Variants in CABCOCO1 observed in about 807,000 individuals in gnomAD.
CABCOCO1 encodes ciliary-associated calcium-binding coiled-coil protein 1.
CABCOCO1 carries 28 observed loss-of-function variants against 35.7 expected under a neutral mutation model. That is an observed-to-expected ratio of 0.78 (90% confidence interval 0.58 to 1.07). CABCOCO1 has a LOEUF of 1.07. Among genes scored for constraint, CABCOCO1 ranks in the 50% least tolerant of loss-of-function variants. CABCOCO1 has a pLI of 0.00. For synonymous variants in CABCOCO1, 95 were observed against 100.1 expected, an observed-to-expected ratio of 0.95 and a Z score of 0.30; for missense variants, 326 against 309.2, an observed-to-expected ratio of 1.05 and a Z score of -0.41.
Position 61,680,598 on chromosome 10 carries a change from AC to A in CABCOCO1, c.165-544del, listed in dbSNP as rs1206195362. Among the ~76,000 whole-genome samples, 38 of 18,314 alleles carry A rather than the reference AC, an allele frequency of 2.1e-3. 2 individuals are homozygous for A. The highest frequency in any genetic ancestry group is 3.9e-3 in the South Asian group (3 of 762). The allele number at this position is 18,314 out of a possible 152,430, so 12.0% of individuals were successfully genotyped here. A position where few individuals can be genotyped will look rare whatever the true frequency, so the allele number is the denominator to read the frequency against. On this transcript the variant is annotated intron_variant, in intron 2 of 7. Transcript: ENST00000648843. ...TTATGTTATATATAACATATGTTAT[AC>A]ATGTATAACATGTTATACATAACAT...
At position 61,680,682 on chromosome 10, in the gene CABCOCO1, TAC is replaced by T. The variant is rs1404255183; in HGVS notation, c.165-459_165-458del. ...TTATACATGTATAACATATATGTTA[TAC>T]ATGTATAACATATATATGTTATACA... On this transcript the variant is annotated intron_variant, in intron 2 of 7. Transcript: ENST00000648843. Among the ~76,000 whole-genome samples the T allele has an allele frequency of 2.6e-4, 25 of 97,472 alleles. 1 individual carries two copies. The highest frequency in any genetic ancestry group is 8.2e-4 in the African/African-American group (20 of 24,266). 63.9% of individuals were successfully genotyped at this position (97,472 alleles called of 152,430 possible). A position where few individuals can be genotyped will look rare whatever the true frequency, so the allele number is the denominator to read the frequency against.
intron 5 of CABCOCO1, among the ~76,000 whole-genome samples, chr10:61,709,683 C>T (rs1589134441): frequency 6.8e-6 from 1 of 147,230 alleles, no homozygotes; most frequent in South Asian, 2.1e-4. Context: ...TTACTTGTCC[C>T]CCTCAAATTT....
chr10:61,695,909 C>G (rs140107680), intron 5 of CABCOCO1, among the ~76,000 whole-genome samples: 3 of 151,950 alleles, frequency 2.0e-5, no homozygotes, highest in Non-Finnish European at 4.4e-5. Context: ...TTATTACAAA[C>G]AGAAACACAC....
chr10:61,680,444 T>A (rs1479210595), intron 2 of CABCOCO1, among the ~76,000 whole-genome samples: 1 of 62,774 alleles, frequency 1.6e-5, no homozygotes, highest in African/African-American at 4.9e-5. Context: ...ACATATATAA[T>A]ATATTTTATA....
intron 1 of CABCOCO1, among the ~76,000 whole-genome samples, chr10:61,670,640 T>C (rs1302700989): frequency 6.6e-6 from 1 of 152,206 alleles, no homozygotes; most frequent in Admixed American, 6.5e-5. Context: ...TTTGCTGCCC[T>C]TATCTTTTGG....
chr10:61,691,156 G>C (rs913160403), intron 5 of CABCOCO1, among the ~76,000 whole-genome samples: 1 of 152,042 alleles, frequency 6.6e-6, no homozygotes, highest in African/African-American at 2.4e-5. Context: ...TCTTATTGCT[G>C]AATTTGGGCT....
chr10:61,718,786 A>T (rs1840928114), intron 5 of CABCOCO1, among the ~76,000 whole-genome samples: 1 of 152,218 alleles, frequency 6.6e-6, no homozygotes, highest in African/African-American at 2.4e-5. Flanking sequence ...ATTAATATAT[A>T]TATTATTTTA....
intron 5 of CABCOCO1, among the ~76,000 whole-genome samples, chr10:61,744,745 G>A (rs1415855535): frequency 6.6e-6 from 1 of 152,104 alleles, no homozygotes; most frequent in Non-Finnish European, 1.5e-5. Context: ...GGTACTTATT[G>A]CCCTACTGTA....
chr10:61,699,156 ACT>A (rs2132010681), intron 5 of CABCOCO1, among the ~76,000 whole-genome samples: 1 of 152,132 alleles, frequency 6.6e-6, no homozygotes, highest in East Asian at 1.9e-4. Context: ...TGTTAAAATA[ACT>A]CTATCTGCTC....
At chr10:61,697,127 G>C (rs1162104654) in intron 5 of CABCOCO1, among the ~76,000 whole-genome samples, 1 of 152,078 alleles carries the variant, frequency 6.6e-6, no homozygotes, top group African/African-American at 2.4e-5. Context: ...TTTTGTGAAT[G>C]TGAATATCTT....
chr10:61,680,669 AACATATATG>A (rs1564532693), intron 2 of CABCOCO1, among the ~76,000 whole-genome samples: 2 of 73,562 alleles, frequency 2.7e-5, no homozygotes, highest in Non-Finnish European at 5.8e-5. Flanking sequence ...ATACATGTAT[AACATATATG>A]TTATACATGT....
chr10:61,719,792 G>A (rs897676181), intron 5 of CABCOCO1, among the ~76,000 whole-genome samples: 1 of 151,632 alleles, frequency 6.6e-6, no homozygotes, highest in African/African-American at 2.4e-5. Context: ...GTGGTGACAG[G>A]CACCTGTAAT....
At chr10:61,721,477 A>G (rs1278579684) in intron 5 of CABCOCO1, among the ~76,000 whole-genome samples, 1 of 152,148 alleles carries the variant, frequency 6.6e-6, no homozygotes, top group African/African-American at 2.4e-5. Context: ...ATTTTATAGC[A>G]GCAAATCTAA....
chr10:61,663,522 T>C (rs1209809170), intron 1 of CABCOCO1, among the ~76,000 whole-genome samples: 1 of 152,206 alleles, frequency 6.6e-6, no homozygotes, highest in African/African-American at 2.4e-5. Context: ...TTACTGGTGA[T>C]GGACTGATTA....
Position 61,680,687 on chromosome 10 carries a change from G to A in CABCOCO1, c.165-456G>A, listed in dbSNP as rs12355884. ...CATGTATAACATATATGTTATACAT[G>A]TATAACATATATATGTTATACATGT... On this transcript the variant is annotated intron_variant, in intron 2 of 7. Coordinates refer to ENST00000648843, the MANE Select transcript of CABCOCO1 (RefSeq NM_001366906.2). 1.5e-4 allele frequency among the ~76,000 whole-genome samples: 11 copies of A among 73,720 alleles called. 1 individual carries two copies. The highest frequency in any genetic ancestry group is 1.7e-4 in the Non-Finnish European group (7 of 40,442). The allele number at this position is 73,720 out of a possible 152,430, so 48.4% of individuals were successfully genotyped here.
intron 5 of CABCOCO1, among the ~76,000 whole-genome samples, chr10:61,756,318 G>A (rs1433594157): frequency 6.6e-6 from 1 of 151,976 alleles, no homozygotes; most frequent in Non-Finnish European, 1.5e-5. Context: ...TAACATCTGG[G>A]GGAAATGTAT....
chr10:61,727,077 G>A (rs968447718), intron 5 of CABCOCO1, among the ~76,000 whole-genome samples: 14 of 151,060 alleles, frequency 9.3e-5, no homozygotes, highest in African/African-American at 3.2e-4. Context: ...CAAAAAAAAT[G>A]TTATAATAAT....
At chr10:61,672,914 A>G (rs1839404143) in intron 2 of CABCOCO1, among the ~76,000 whole-genome samples, 179 bp downstream of exon 2, 1 of 152,252 alleles carries the variant, frequency 6.6e-6, no homozygotes, top group South Asian at 2.1e-4. Flanking sequence ...GCACTACTCA[A>G]CAGTCTCCTT....
chr10:61,728,319 G>A (rs1414315334), intron 5 of CABCOCO1, among the ~76,000 whole-genome samples: 2 of 151,970 alleles, frequency 1.3e-5, no homozygotes, highest in East Asian at 1.9e-4. Flanking sequence ...TCAGTTCTGC[G>A]ACATTTGGTA....
Sources: allele counts gnomAD v4.1 joint callset (sites outside exome capture counted in the v4.1 genomes callset), GRCh38; gene constraint gnomAD v4.1.1; transcripts MANE v1.5; gene names NCBI Gene and HGNC (gene_info 2026-07-23, HGNC 2026-07-21).